The following PCDHA7 variants were observed in gnomAD, a reference collection of about 807,000 sequenced individuals.
The protein encoded by PCDHA7 is protocadherin alpha 7.
Under a neutral mutation model 57.2 loss-of-function variants are expected in PCDHA7, and 37 were observed. The ratio of observed to expected loss-of-function variants is 0.65; its 90% confidence interval spans 0.50 to 0.85. The LOEUF (loss-of-function observed/expected upper bound fraction) is 0.85, where lower values mean the gene tolerates loss of function less well. Among genes scored for constraint, PCDHA7 ranks in the 40% least tolerant of loss-of-function variants. PCDHA7 has a pLI of 0.00. For missense variants in PCDHA7, 1,188 were observed against 1,241.8 expected, an observed-to-expected ratio of 0.96 and a Z score of 0.65; for synonymous variants, 553 against 558.8, an observed-to-expected ratio of 0.99 and a Z score of 0.15.
intron 1 of PCDHA7, among the ~76,000 whole-genome samples, chr5:140,924,551 AT>A (rs2153572839): frequency 6.6e-6 from 1 of 152,240 alleles, no homozygotes; most frequent in African/African-American, 2.4e-5. Context: ...TCTCCCCACC[AT>A]TTTAATCAGC....
chr5:141,008,300 C>G (rs1272725012), intron 3 of PCDHA7, among the ~76,000 whole-genome samples: 3 of 152,162 alleles, frequency 2.0e-5, no homozygotes, highest in African/African-American at 7.2e-5. Context: ...GTACCCAACC[C>G]TAAACTGTAA....
intron 1 of PCDHA7, among the ~76,000 whole-genome samples, chr5:140,922,883 T>A (rs963654982): frequency 2.6e-5 from 4 of 152,134 alleles, no homozygotes; most frequent in Admixed American, 2.0e-4. Flanking sequence ...TCCAAAGACA[T>A]CATTCAAGAA....
chr5:140,905,043 A>G (rs782694794), intron 1 of PCDHA7, among the ~76,000 whole-genome samples: 1 of 152,244 alleles, frequency 6.6e-6, no homozygotes, highest in East Asian at 1.9e-4. Flanking sequence ...TAGTTTAATT[A>G]GGTCCCATTT....
chr5:140,961,192 A>G (rs1322057564), intron 1 of PCDHA7, among the ~76,000 whole-genome samples: 1 of 152,170 alleles, frequency 6.6e-6, no homozygotes, highest in African/African-American at 2.4e-5. Flanking sequence ...ACAGGACCCT[A>G]GTGAGGTTGG....
At chr5:140,923,112 T>C (rs1159250649) in intron 1 of PCDHA7, among the ~76,000 whole-genome samples, 2 of 152,144 alleles carry the variant, frequency 1.3e-5, no homozygotes, top group Non-Finnish European at 2.9e-5. Flanking sequence ...TGATTTTAAG[T>C]TTTTAGGGTC....
chr5:140,980,363 G>A (rs1477868054), intron 2 of PCDHA7, among the ~76,000 whole-genome samples: 1 of 152,204 alleles, frequency 6.6e-6, no homozygotes, highest in Non-Finnish European at 1.5e-5. Context: ...TGGGCGCGGT[G>A]GCTCACACCT....
intron 1 of PCDHA7, chr5:140,928,452 G>C: frequency 6.2e-7 from 1 of 1,614,126 alleles, no homozygotes; most frequent in Non-Finnish European, 8.5e-7. Context: ...AGCTCAGGGG[G>C]TTTCATTTCC....
At chr5:140,978,486 G>T (rs1289847782) in intron 1 of PCDHA7, among the ~76,000 whole-genome samples, 1 of 152,248 alleles carries the variant, frequency 6.6e-6, no homozygotes, top group Admixed American at 6.5e-5. Flanking sequence ...AGTCTGCAAA[G>T]CCAGCAGCAG....
At chr5:140,928,008 T>C in intron 1 of PCDHA7, 1 of 1,614,158 alleles carries the variant, frequency 6.2e-7, no homozygotes, top group Non-Finnish European at 8.5e-7. Context: ...TCGATTCTAA[T>C]GGTAGGGTCA....
At chr5:140,892,673 T>C (rs1554185319) in intron 1 of PCDHA7, among the ~76,000 whole-genome samples, 1 of 152,262 alleles carries the variant, frequency 6.6e-6, no homozygotes, top group East Asian at 1.9e-4. Flanking sequence ...TTGATACATA[T>C]ATACAATGTA....
intron 1 of PCDHA7, chr5:140,927,689 G>A (rs781972370): frequency 5.6e-6 from 9 of 1,614,064 alleles, no homozygotes; most frequent in African/African-American, 2.7e-5. Flanking sequence ...GGGTCCAATG[G>A]GGAAGTCCAG....
intron 1 of PCDHA7, chr5:140,876,689 C>A (rs2056506979): frequency 1.2e-6 from 2 of 1,614,228 alleles, no homozygotes; most frequent in Non-Finnish European, 1.7e-6. Context: ...AATTACTACT[C>A]GTTGGTGCTG....
chr5:140,995,511 A>G (rs561169284), intron 3 of PCDHA7, among the ~76,000 whole-genome samples: 1 of 152,342 alleles, frequency 6.6e-6, no homozygotes, highest in Admixed American at 6.5e-5. Flanking sequence ...TGGGTAACTG[A>G]AGCCTCAGAA....
rs2150477798 is a variant in PCDHA7 at position 140,850,289 on chromosome 5, C to T, written c.2355+13551C>T. On this transcript the variant is annotated intron_variant, in intron 1 of 3. Coordinates refer to ENST00000525929, the MANE Select transcript of PCDHA7 (RefSeq NM_018910.3). ...TGGTGGGGAAGGTGCGCGCAGTGGA[C>T]GCCGACTCGGGCTACAACGCGTGGC... 1.9e-6 allele frequency: 3 copies of T among 1,595,826 alleles called. No homozygotes were observed. In the East Asian group the frequency reaches 6.7e-5, roughly 36 times the overall value.
At chr5:140,974,108 C>G (rs977903039) in intron 1 of PCDHA7, among the ~76,000 whole-genome samples, 1 of 152,182 alleles carries the variant, frequency 6.6e-6, no homozygotes, top group Non-Finnish European at 1.5e-5. Flanking sequence ...TAAAAGTATT[C>G]TTTTGCAGTG....
rs782310474 is a variant in PCDHA7 at position 140,858,120 on chromosome 5, T to C, written c.2355+21382T>C. 9 of 1,597,738 alleles carry C rather than the reference T, an allele frequency of 5.6e-6. 1 individual carries two copies. In the Admixed American group the frequency reaches 1.5e-4, roughly 27 times the overall value. ...GTGGGCGTGGCGCCCGAGGTGGCCC[T>C]GGTGGATGTCAACGTGTACCTGATC... On this transcript the variant is annotated intron_variant, in intron 1 of 3. Coordinates refer to ENST00000525929, the MANE Select transcript of PCDHA7 (RefSeq NM_018910.3).
chr5:140,843,757 G>A, intron 1 of PCDHA7: 1 of 1,504,904 alleles, frequency 6.6e-7, no homozygotes, highest in Non-Finnish European at 9.1e-7. Context: ...TCTATTTGTG[G>A]AAATTGTAGT....
intron 1 of PCDHA7, among the ~76,000 whole-genome samples, chr5:140,838,091 T>C (rs1775528096): frequency 7.2e-6 from 1 of 139,480 alleles, no homozygotes; most frequent in East Asian, 2.0e-4. Context: ...TGTGTGTGTG[T>C]GTGTGTGTGT....
chr5:140,988,866 C>T (rs1364853349), intron 3 of PCDHA7: 2 of 152,170 alleles, frequency 1.3e-5, no homozygotes, highest in Non-Finnish European at 2.9e-5. Context: ...CTCATGTGCA[C>T]TCAGATGTAC....
Sources: allele counts gnomAD v4.1 joint callset (sites outside exome capture counted in the v4.1 genomes callset), GRCh38; gene constraint gnomAD v4.1.1; transcripts MANE v1.5; gene names NCBI Gene and HGNC (gene_info 2026-07-23, HGNC 2026-07-21).